The following HMGCLL1 variants were observed in gnomAD, a reference collection of about 807,000 sequenced individuals.
HMGCLL1 encodes 3-hydroxymethyl-3-methylglutaryl-CoA lyase, cytoplasmic.
A neutral mutation model predicts 39.1 loss-of-function variants in HMGCLL1; 36 were observed. The ratio of observed to expected loss-of-function variants is 0.92; its 90% CI spans 0.71 to 1.22. The LOEUF (loss-of-function observed/expected upper bound fraction) is 1.22, where lower values mean the gene tolerates loss of function less well. Ranked by LOEUF, HMGCLL1 falls within the 50% of genes most tolerant of loss-of-function variation. The pLI, the probability that HMGCLL1 is intolerant of heterozygous loss-of-function variation, is 0.00. For synonymous variants in HMGCLL1, 149 were observed against 144.0 expected (o/e 1.03, Z -0.25); for missense variants, 451 against 416.5 (o/e 1.08, Z -0.72).
At chr6:55,499,618 T>C (rs1044826737) in intron 5 of HMGCLL1, among the ~76,000 whole-genome samples, 1 of 152,066 alleles carries the variant, frequency 6.6e-6, no homozygotes, top group Non-Finnish European at 1.5e-5. Context: ...GTGAAATATA[T>C]GGTTTTATTA....
intron 3 of HMGCLL1, among the ~76,000 whole-genome samples, chr6:55,525,968 G>A (rs1334259485): frequency 2.0e-5 from 3 of 151,626 alleles, no homozygotes; most frequent in Non-Finnish European, 4.4e-5. Flanking sequence ...CCAACTTATT[G>A]GACTCTAAGA....
chr6:55,629,068 G>T, the HMGCLL1 span, among the ~76,000 whole-genome samples: 6,721 of 152,220 alleles, frequency 0.044, 184 homozygotes, highest in Non-Finnish European at 0.055. Flanking sequence ...TTTGGAACTG[G>T]GTAACAGGCA....
the HMGCLL1 span, among the ~76,000 whole-genome samples, chr6:55,674,285 A>G: frequency 1.3e-5 from 2 of 151,938 alleles, no homozygotes; most frequent in Admixed American, 6.6e-5. Flanking sequence ...TACAAAAGAG[A>G]TACCTAATTT....
At chr6:55,515,485 A>T (rs1767690323) in intron 4 of HMGCLL1, among the ~76,000 whole-genome samples, 1 of 152,224 alleles carries the variant, frequency 6.6e-6, no homozygotes, top group Non-Finnish European at 1.5e-5. Context: ...TGTTATGCCA[A>T]TTTTACAGAT....
intron 7 of HMGCLL1, among the ~76,000 whole-genome samples, chr6:55,463,699 A>G (rs1764681449): frequency 6.6e-6 from 1 of 152,200 alleles, no homozygotes; most frequent in African/African-American, 2.4e-5. Context: ...ACCCCTAGGC[A>G]TCTCTCCAGA....
the HMGCLL1 span, among the ~76,000 whole-genome samples, chr6:55,614,800 C>A: frequency 6.6e-6 from 1 of 152,038 alleles, no homozygotes; most frequent in East Asian, 1.9e-4. Context: ...CAATAAAAAT[C>A]TGTCATTCGG....
intron 7 of HMGCLL1, among the ~76,000 whole-genome samples, chr6:55,453,939 T>A (rs551503462): frequency 1.7e-4 from 26 of 152,332 alleles, no homozygotes; most frequent in African/African-American, 5.8e-4. Flanking sequence ...TATAGAATCA[T>A]CTTTAGTGAA....
chr6:55,505,416 C>T (rs913735616), intron 5 of HMGCLL1, among the ~76,000 whole-genome samples: 1 of 151,660 alleles, frequency 6.6e-6, no homozygotes, highest in Admixed American at 6.6e-5. Flanking sequence ...AGCTACTTTG[C>T]TACATTCATG....
chr6:55,563,537 C>A (rs1163795191), intron 1 of HMGCLL1, among the ~76,000 whole-genome samples: 2 of 152,044 alleles, frequency 1.3e-5, no homozygotes, highest in Admixed American at 1.3e-4. Flanking sequence ...TAGTATAATT[C>A]AGCCTATTTT....
At chr6:55,457,414 A>C (rs755880224) in intron 7 of HMGCLL1, among the ~76,000 whole-genome samples, 31 of 152,220 alleles carry the variant, frequency 2.0e-4, no homozygotes, top group Non-Finnish European at 3.7e-4. Context: ...AGACTTGTTA[A>C]GGAGGATTTT....
the HMGCLL1 span, among the ~76,000 whole-genome samples, chr6:55,667,858 G>A: frequency 1.3e-5 from 2 of 151,208 alleles, no homozygotes; most frequent in East Asian, 2.0e-4. Flanking sequence ...AATAAATCAG[G>A]ACCGGCATTT....
intron 7 of HMGCLL1, among the ~76,000 whole-genome samples, chr6:55,454,877 C>A (rs1003862261): frequency 4.6e-5 from 7 of 152,110 alleles, no homozygotes; most frequent in Non-Finnish European, 1.0e-4. Flanking sequence ...GGGGGGTAAA[C>A]TTCAGAATTC....
At chr6:55,661,680 G>A in the HMGCLL1 span, among the ~76,000 whole-genome samples, 810 of 152,014 alleles carry the variant, frequency 5.3e-3, 19 homozygotes, top group Non-Finnish European at 1.4e-3. Context: ...GCTTAGGATT[G>A]CCTTGGCTAT....
At chr6:55,574,359 T>C (rs1364540439) in intron 1 of HMGCLL1, among the ~76,000 whole-genome samples, 2 of 151,774 alleles carry the variant, frequency 1.3e-5, no homozygotes, top group Non-Finnish European at 2.9e-5. Context: ...ACCATATAGA[T>C]AATAAGTATA....
At chr6:55,671,208 T>C in the HMGCLL1 span, among the ~76,000 whole-genome samples, 2 of 151,784 alleles carry the variant, frequency 1.3e-5, no homozygotes, top group Middle Eastern at 3.2e-3. Context: ...ATATGTTACG[T>C]TTCTTGGTAA....
At chr6:55,500,846 A>C (rs1303836135) in intron 5 of HMGCLL1, among the ~76,000 whole-genome samples, 1 of 152,020 alleles carries the variant, frequency 6.6e-6, no homozygotes, top group Non-Finnish European at 1.5e-5. Context: ...ATAACATGCT[A>C]ATATATAAAT....
At position 55,480,121 on chromosome 6, in the gene HMGCLL1, A is replaced by T. The variant is rs930976968; in HGVS notation, c.795+15298T>A. ...AAAAGTGGACAAATTACATCAACTT[A>T]AAATAATGTAATTTTAAGGGATTTC... On this transcript the variant is annotated intron_variant, in intron 7 of 8. Coordinates refer to ENST00000274901, the MANE Select transcript of HMGCLL1 (RefSeq NM_001042406.2). Among the ~76,000 whole-genome samples, 17 of 151,644 alleles carry T rather than the reference A, an allele frequency of 1.1e-4. 1 individual carries two copies. The highest frequency in any genetic ancestry group is 4.1e-4 in the African/African-American group (17 of 40,978).
At chr6:55,497,535 T>C (rs890242003) in intron 6 of HMGCLL1, among the ~76,000 whole-genome samples, 1 of 152,112 alleles carries the variant, frequency 6.6e-6, no homozygotes, top group South Asian at 2.1e-4. Context: ...GCTCATGTTA[T>C]TACAGATCCT....
At chr6:55,608,391 C>T in the HMGCLL1 span, among the ~76,000 whole-genome samples, 1 of 151,944 alleles carries the variant, frequency 6.6e-6, no homozygotes, top group Non-Finnish European at 1.5e-5. Context: ...TTAGTTTCGC[C>T]CTTGCCCTGG....
Sources: gnomAD v4.1 joint callset for allele counts (sites outside exome capture counted in the v4.1 genomes callset) on GRCh38, gnomAD v4.1.1 for gene constraint, MANE v1.5 for transcripts, NCBI Gene and HGNC (gene_info 2026-07-23, HGNC 2026-07-21) for gene names.